The following SDK1 variants were observed in gnomAD, a reference collection of about 807,000 sequenced individuals.
SDK1 encodes protein sidekick-1.
A neutral mutation model predicts 245.5 loss-of-function variants in SDK1; 157 were observed. That is an observed-to-expected ratio of 0.64 (90% confidence interval 0.56 to 0.73). The LOEUF (loss-of-function observed/expected upper bound fraction) is 0.73, where lower values mean the gene tolerates loss of function less well. Among genes scored for constraint, SDK1 ranks in the 30% least tolerant of loss-of-function variants. The probability of loss-of-function intolerance (pLI) is 0.00; values close to 1 mark genes in which losing one functional copy is unlikely to be tolerated. For synonymous variants in SDK1, 1,647 were observed against 1,278.5 expected, an observed-to-expected ratio of 1.29 and a Z score of -6.15; for missense variants, 3,583 against 3,002.3, an observed-to-expected ratio of 1.19 and a Z score of -4.52.
In SDK1 at chr7:3,536,541, A is replaced by G. The variant is rs1398258060; in HGVS notation, c.299-82539A>G. Among the ~76,000 whole-genome samples, 3 of 151,994 alleles carry G rather than the reference A, an allele frequency of 2.0e-5. No individual in the cohort carries two copies. The East Asian group carries it at 5.8e-4, about 30-fold the overall frequency. On this transcript the variant is annotated intron_variant, in intron 1 of 44. Coordinates refer to ENST00000404826, the MANE Select transcript of SDK1 (RefSeq NM_152744.4). The stretch of plus-strand genomic sequence containing the variant: ...TAAAACAAAACAAAAAAACCCCACA[A>G]AAATTAGCCAGGCATGGTGGCTCAC...
chr7:3,880,580 A>G (rs376391268), intron 5 of SDK1, among the ~76,000 whole-genome samples: 90 of 134,506 alleles, frequency 6.7e-4, no homozygotes, highest in Admixed American at 5.0e-3. Flanking sequence ...AAGAACATGC[A>G]GACAGGTGAA....
intron 1 of SDK1, among the ~76,000 whole-genome samples, chr7:3,378,707 C>T (rs933413525): frequency 6.6e-6 from 1 of 152,112 alleles, no homozygotes; most frequent in African/African-American, 2.4e-5. Context: ...TGCAACTCAG[C>T]GTTGCGTGAA....
chr7:3,468,701 C>G (rs777378690), intron 1 of SDK1, among the ~76,000 whole-genome samples: 1 of 152,154 alleles, frequency 6.6e-6, no homozygotes, highest in Non-Finnish European at 1.5e-5. Context: ...CGAACTCAGT[C>G]TGTTAGCATT....
At chr7:3,402,905 C>T (rs546671670) in intron 1 of SDK1, among the ~76,000 whole-genome samples, 1 of 152,168 alleles carries the variant, frequency 6.6e-6, no homozygotes, top group Admixed American at 6.5e-5. Context: ...CAAACTTTGG[C>T]TTATTATGAA....
Position 4,221,371 on chromosome 7 carries a change from T to G in SDK1, c.5827+7T>G, listed in dbSNP as rs1370947376. 1.2e-6 allele frequency: 2 copies of G among 1,601,382 alleles called. No individual in the cohort carries two copies. Among genetic ancestry groups the G allele is most frequent in the Non-Finnish European group, 1.7e-6 (2 of 1,174,660 alleles). On this transcript the variant is annotated splice_region_variant and intron_variant, in intron 40 of 44. Coordinates refer to ENST00000404826, the MANE Select transcript of SDK1 (RefSeq NM_152744.4). ...ATCGAGGCCCGGCCCTCAGGTAGGG[T>G]GGCAGGCCCCACAAACGGGGTCTCA...
chr7:3,599,256 C>T (rs1781177839), intron 1 of SDK1, among the ~76,000 whole-genome samples: 1 of 152,066 alleles, frequency 6.6e-6, no homozygotes, highest in Non-Finnish European at 1.5e-5. Context: ...GCTGATTTGC[C>T]ATCTGTAGAT....
At chr7:3,943,374 C>CCCCA in intron 5 of SDK1, among the ~76,000 whole-genome samples, 1 of 792 alleles carries the variant, frequency 1.3e-3, no homozygotes, top group Non-Finnish European at 2.6e-3. Context: ...CCCCTCCCTT[C>CCCCA]TTTCCCCTTC....
intron 4 of SDK1, among the ~76,000 whole-genome samples, chr7:3,676,834 G>A (rs1783918767): frequency 4.6e-5 from 7 of 152,096 alleles, no homozygotes; most frequent in Admixed American, 3.9e-4. Flanking sequence ...TAGGTGTGTG[G>A]CTTTATTTCT....
intron 1 of SDK1, among the ~76,000 whole-genome samples, chr7:3,583,909 T>C (rs1028534976): frequency 1.3e-5 from 2 of 152,090 alleles, no homozygotes; most frequent in Non-Finnish European, 2.9e-5. Flanking sequence ...CAGAGAGGCC[T>C]TGTTTGCTTG....
intron 5 of SDK1, among the ~76,000 whole-genome samples, chr7:3,933,507 G>T (rs528823201): frequency 6.6e-6 from 1 of 152,222 alleles, no homozygotes; most frequent in Admixed American, 6.5e-5. Flanking sequence ...GTTGTTTACT[G>T]CTCCTCATCA....
intron 4 of SDK1, among the ~76,000 whole-genome samples, chr7:3,730,790 A>T (rs181210118): frequency 6.6e-6 from 1 of 152,274 alleles, no homozygotes; most frequent in East Asian, 1.9e-4. Flanking sequence ...GGTGGCATGG[A>T]GGGAGAGGAC....
At chr7:3,657,878 T>G (rs954782139) in intron 4 of SDK1, among the ~76,000 whole-genome samples, 1 of 152,104 alleles carries the variant, frequency 6.6e-6, no homozygotes, top group Non-Finnish European at 1.5e-5. Flanking sequence ...TGATATAAGG[T>G]CAAGTCATCT....
rs914584229 is a variant in SDK1 at position 3,503,541 on chromosome 7, G to C, written c.299-115539G>C. 3.3e-5 allele frequency among the ~76,000 whole-genome samples: 5 copies of C among 152,080 alleles called. No individual in the cohort carries two copies. The South Asian group carries it at 1.0e-3, about 32-fold the overall frequency. On this transcript the variant is annotated intron_variant, in intron 1 of 44. Coordinates refer to ENST00000404826, the MANE Select transcript of SDK1 (RefSeq NM_152744.4). The stretch of plus-strand genomic sequence containing the variant: ...AAAAGTTAAAAAATTAGCCAGTTGT[G>C]ATGGTGTTACTTATAGTCCTAGCTA...
intron 17 of SDK1, among the ~76,000 whole-genome samples, chr7:4,027,831 C>T (rs1354796179): frequency 6.6e-6 from 1 of 152,032 alleles, no homozygotes; most frequent in African/African-American, 2.4e-5. Context: ...TGGGCTTTAA[C>T]TGGCAGCAAA....
chr7:3,693,517 T>C (rs559994701), intron 4 of SDK1, among the ~76,000 whole-genome samples: 31 of 152,368 alleles, frequency 2.0e-4, no homozygotes, highest in Middle Eastern at 6.8e-3. Flanking sequence ...GTCCGTCAGC[T>C]GATCCATGCT....
At chr7:3,436,084 G>A (rs7802106) in intron 1 of SDK1, among the ~76,000 whole-genome samples, 1 of 152,072 alleles carries the variant, frequency 6.6e-6, no homozygotes, top group Non-Finnish European at 1.5e-5. Flanking sequence ...GTTCAAAATA[G>A]GTTGTTTTAT....
intron 4 of SDK1, among the ~76,000 whole-genome samples, chr7:3,651,320 C>T (rs1038769694): frequency 6.6e-6 from 1 of 151,972 alleles, no homozygotes; most frequent in African/African-American, 2.4e-5. Flanking sequence ...ATTTTCACTT[C>T]TCTAATGGCT....
intron 1 of SDK1, among the ~76,000 whole-genome samples, chr7:3,596,265 G>T (rs1266198677): frequency 6.6e-6 from 1 of 152,054 alleles, no homozygotes; most frequent in African/African-American, 2.4e-5. Flanking sequence ...ACAGTAATAG[G>T]AGAAATGAAA....
intron 38 of SDK1, among the ~76,000 whole-genome samples, chr7:4,218,309 C>G (rs1308361639): frequency 6.6e-6 from 1 of 152,066 alleles, no homozygotes; most frequent in Non-Finnish European, 1.5e-5. Context: ...AGGAGAATCG[C>G]TTGAACTCAG....
Sources: gnomAD v4.1 joint callset for allele counts (sites outside exome capture counted in the v4.1 genomes callset) on GRCh38, gnomAD v4.1.1 for gene constraint, MANE v1.5 for transcripts, NCBI Gene and HGNC (gene_info 2026-07-23, HGNC 2026-07-21) for gene names.